The following LIPA variants were observed in gnomAD, a reference collection of about 807,000 sequenced individuals.
LIPA encodes the protein lipase A, lysosomal acid type.
Under a neutral mutation model 40.6 loss-of-function variants are expected in LIPA, and 26 were observed. The ratio of observed to expected loss-of-function variants is 0.64; its 90% confidence interval spans 0.47 to 0.89. The LOEUF (loss-of-function observed/expected upper bound fraction) is 0.89, where lower values mean the gene tolerates loss of function less well. Ranked by LOEUF, LIPA falls within the 40% of genes least tolerant of loss-of-function variation. The pLI is 0.00. For synonymous variants in LIPA, 188 were observed against 168.4 expected, an observed-to-expected ratio of 1.12 and a Z score of -0.90; for missense variants, 455 against 479.6, an observed-to-expected ratio of 0.95 and a Z score of 0.48.
rs536038464 is a variant in LIPA, at chr10:89,413,147, C to G, written c.-71-225G>C. Among the ~76,000 whole-genome samples the G allele has an allele frequency of 1.1e-4, 16 of 152,298 alleles. No individual in the cohort carries two copies. The East Asian group carries it at 3.1e-3, about 29-fold the overall frequency. On this transcript the variant is annotated intron_variant, in intron 1 of 8. Coordinates refer to the LIPA transcript ENST00000371837. ...TGCATTAGTTTGCTGAGGATAATCA[C>G]TGGAAATACTTGCTCTGTATTTAGA...
intron 2 of LIPA, 105 bp downstream of exon 2, chr10:89,247,433 A>G: frequency 1.5e-6 from 1 of 673,518 alleles, no homozygotes; most frequent in Non-Finnish European, 2.7e-6. Flanking sequence ...TGAAAAGCAA[A>G]GGAGTTATAA....
intron 1 of LIPA, among the ~76,000 whole-genome samples, chr10:89,298,096 C>A (rs554309100): frequency 1.3e-5 from 2 of 152,206 alleles, no homozygotes; most frequent in Non-Finnish European, 2.9e-5. Context: ...TTTGTCCCAC[C>A]GTTGGCTACT....
At chr10:89,292,977 T>C (rs1285584879) in intron 1 of LIPA, among the ~76,000 whole-genome samples, 3 of 152,218 alleles carry the variant, frequency 2.0e-5, no homozygotes, top group Non-Finnish European at 2.9e-5. Flanking sequence ...ATGAAGAAAT[T>C]GAGGCACAGA....
At chr10:89,381,753 C>T (rs1003560156) in intron 2 of LIPA, among the ~76,000 whole-genome samples, 1 of 151,918 alleles carries the variant, frequency 6.6e-6, no homozygotes, top group African/African-American at 2.4e-5. Context: ...TGAATCCTTT[C>T]CTTTCTTCCT....
At chr10:89,359,074 T>TAA (rs2133590785) in intron 2 of LIPA, among the ~76,000 whole-genome samples, 1 of 152,260 alleles carries the variant, frequency 6.6e-6, no homozygotes, top group Admixed American at 6.5e-5. Flanking sequence ...TGTCAGGGGT[T>TAA]TTCTCAGGTG....
chr10:89,248,887 CA>C (rs1435799815), intron 1 of LIPA, among the ~76,000 whole-genome samples: 2 of 152,142 alleles, frequency 1.3e-5, no homozygotes, highest in African/African-American at 2.4e-5. Flanking sequence ...AAGTTAAAAA[CA>C]AATTGGTCAT....
chr10:89,248,421 A>AATT (rs199819768), intron 1 of LIPA, among the ~76,000 whole-genome samples: 9,308 of 99,924 alleles, frequency 0.093, 413 homozygotes, highest in Middle Eastern at 0.12. Context: ...CTCCCAAAGG[A>AATT]ATTATTATTA....
intron 1 of LIPA, among the ~76,000 whole-genome samples, chr10:89,274,214 TTTAA>T: frequency 6.6e-6 from 1 of 152,210 alleles, no homozygotes; most frequent in Non-Finnish European, 1.5e-5. Context: ...TGAGATATAA[TTTAA>T]TTAAGTAATA....
At position 89,324,052 on chromosome 10, in the gene LIPA, G is replaced by C. The variant is rs34880312; in HGVS notation, c.-2+18559C>G. On this transcript the variant is annotated intron_variant, in intron 1 of 5. Coordinates refer to the LIPA transcript ENST00000282673. Reference sequence around the variant, plus strand: ...CTATAAGGCTACAGTAACCAAAATAGCATGGTACTGGTACAAAAACAGACA... The same window carrying C: ...CTATAAGGCTACAGTAACCAAAATACCATGGTACTGGTACAAAAACAGACA... Among the ~76,000 whole-genome samples, 1,309 of 152,134 alleles carry C rather than the reference G, an allele frequency of 8.6e-3. 9 individuals carry two copies. Among genetic ancestry groups the C allele is most frequent in the Middle Eastern group, 0.024 (7 of 294 alleles).
chr10:89,227,949 A>G (rs1199024188), intron 4 of LIPA, among the ~76,000 whole-genome samples: 2 of 152,220 alleles, frequency 1.3e-5, no homozygotes, highest in Admixed American at 6.5e-5. Flanking sequence ...CAGCACCCAC[A>G]CCACCAGAAA....
At position 89,231,990 on chromosome 10, in the gene LIPA, T is replaced by A. The variant is rs117498076; in HGVS notation, c.230-3592A>T. 1.8e-4 allele frequency among the ~76,000 whole-genome samples: 28 copies of A among 152,348 alleles called. 1 individual carries two copies. The East Asian group carries it at 5.0e-3, about 27-fold the overall frequency. ...GCATTGTGGTAGATACAGCGTCTTA[T>A]GCACAGGCTTCTTGGCTTCAATGAA... On this transcript the variant is annotated intron_variant, in intron 3 of 9. Coordinates refer to ENST00000336233, the MANE Select transcript of LIPA (RefSeq NM_000235.4).
At chr10:89,230,495 C>T (rs1027576295) in intron 3 of LIPA, among the ~76,000 whole-genome samples, 6 of 152,074 alleles carry the variant, frequency 3.9e-5, no homozygotes, top group African/African-American at 1.2e-4. Context: ...TTTGTAGAGA[C>T]AGTGTTTCAC....
intron 1 of LIPA, among the ~76,000 whole-genome samples, chr10:89,329,519 C>T (rs1173075161): frequency 6.6e-6 from 1 of 152,044 alleles, no homozygotes; most frequent in Middle Eastern, 3.2e-3. Flanking sequence ...GCTCCTATTT[C>T]CAGAGGCTAT....
intron 1 of LIPA, among the ~76,000 whole-genome samples, chr10:89,270,873 G>A (rs991785089): frequency 6.6e-6 from 1 of 152,174 alleles, no homozygotes; most frequent in Admixed American, 6.5e-5. Context: ...GTCATCCCCT[G>A]CAGATAACTA....
chr10:89,336,867 G>T (rs771635781), intron 1 of LIPA, among the ~76,000 whole-genome samples: 3 of 152,200 alleles, frequency 2.0e-5, no homozygotes, highest in Non-Finnish European at 2.9e-5. Context: ...TAAGAAGGAA[G>T]AAGCACAAAC....
chr10:89,344,479 T>C (rs919625956), upstream of LIPA, among the ~76,000 whole-genome samples: 2 of 152,182 alleles, frequency 1.3e-5, no homozygotes, highest in African/African-American at 4.8e-5. Flanking sequence ...ACGTAAATGA[T>C]GGGGCTACAC....
chr10:89,350,983 T>G (rs962445224), intron 2 of LIPA, among the ~76,000 whole-genome samples: 2 of 152,194 alleles, frequency 1.3e-5, no homozygotes, highest in Non-Finnish European at 2.9e-5. Flanking sequence ...TCTGTTTCAG[T>G]AGGGCCCCAG....
chr10:89,386,141 G>A (rs1430439631), intron 2 of LIPA, among the ~76,000 whole-genome samples: 1 of 152,186 alleles, frequency 6.6e-6, no homozygotes, highest in African/African-American at 2.4e-5. Context: ...CTGGCCTCAA[G>A]AGATCTTCCC....
intron 2 of LIPA, among the ~76,000 whole-genome samples, chr10:89,360,565 T>G (rs1475588134): frequency 2.0e-5 from 3 of 152,172 alleles, no homozygotes; most frequent in Non-Finnish European, 4.4e-5. Context: ...TAAAAAGAAT[T>G]GGATTTTTAC....
Sources: gnomAD v4.1 joint callset for allele counts (sites outside exome capture counted in the v4.1 genomes callset) on GRCh38, gnomAD v4.1.1 for gene constraint, MANE v1.5 for transcripts, NCBI Gene and HGNC (gene_info 2026-07-23, HGNC 2026-07-21) for gene names.